The following WDR36 variants were observed in gnomAD, a reference collection of about 807,000 sequenced individuals.
The protein encoded by WDR36 is WD repeat-containing protein 36.
Under a neutral mutation model 112.7 loss-of-function variants are expected in WDR36, and 63 were observed. The ratio of observed to expected loss-of-function variants is 0.56; its 90% confidence interval spans 0.46 to 0.69. WDR36 has a LOEUF of 0.69. Ranked by LOEUF, WDR36 falls within the 30% of genes least tolerant of loss-of-function variation. The probability of loss-of-function intolerance (pLI) is 0.00; values close to 1 mark genes in which losing one functional copy is unlikely to be tolerated. For synonymous variants in WDR36, 410 were observed against 362.2 expected (o/e 1.13, Z -1.50); for missense variants, 1,226 against 1,070.3 (o/e 1.15, Z -2.03).
At chr5:111,111,327 T>C in intron 15 of WDR36, 49 bp downstream of exon 15, 1 of 1,467,378 alleles carries the variant, frequency 6.8e-7, no homozygotes, top group Admixed American at 1.7e-5. Context: ...TACTTTTGTT[T>C]GGGTGTGTTA....
intron 1 of WDR36, among the ~76,000 whole-genome samples, chr5:111,094,277 C>T (rs1222383674): frequency 6.6e-6 from 1 of 152,168 alleles, no homozygotes; most frequent in Non-Finnish European, 1.5e-5. Context: ...TCATTGAATC[C>T]TCATAACAAT....
At position 111,115,965 on chromosome 5, in the gene WDR36, C is replaced by T. The variant is rs909349161; in HGVS notation, c.1796+2812C>T. 6.6e-5 allele frequency among the ~76,000 whole-genome samples: 10 copies of T among 151,554 alleles called. 1 individual carries two copies. Among genetic ancestry groups the T allele is most frequent in the African/African-American group, 1.5e-4 (6 of 41,206 alleles). ...TCTTTCTTATTTTTTTTTTCTGAGA[C>T]CAAGTCTTGCTCTGTCGCCCAGGCT... On this transcript the variant is annotated intron_variant, in intron 16 of 22. Transcript: ENST00000513710.
intron 16 of WDR36, among the ~76,000 whole-genome samples, chr5:111,116,321 C>T (rs760773183): frequency 1.6e-4 from 25 of 152,012 alleles, no homozygotes; most frequent in Non-Finnish European, 3.2e-4. Context: ...TTTGTTCTGT[C>T]TCACCCCACC....
intron 3 of WDR36, among the ~76,000 whole-genome samples, chr5:111,098,187 A>T (rs566892341): frequency 7.9e-4 from 121 of 152,296 alleles, no homozygotes; most frequent in African/African-American, 2.4e-3. Flanking sequence ...GAGAGGAAAC[A>T]GTGTTACTGG....
chr5:111,110,768 T>C lies in WDR36; in HGVS notation c.1442-20T>C. 6.2e-7 allele frequency: 1 copy of C among 1,605,274 alleles called. No homozygotes were observed. The highest frequency in any genetic ancestry group is 8.5e-7 in the Non-Finnish European group (1 of 1,174,282). On this transcript the variant is annotated intron_variant, in intron 13 of 22. Coordinates refer to ENST00000513710, the MANE Select transcript of WDR36 (RefSeq NM_139281.3). ...ACTGCCAATTCTGATTTTTTTTTTC[T>C]TTTGACATCTACCTTACAGCTCACA...
Position 111,103,811 on chromosome 5 carries a change from T to C in WDR36, c.623T>C (p.Ile208Thr), listed in dbSNP as rs543041843. ...QQAPAVDVVA[I>T]GLMSGQVIIH... Reference sequence around the variant, plus strand: ...GCACCAGCCGTGGATGTTGTTGCTATTGGTCTTATGTCAGGTCAAGTTATC... The same window carrying C: ...GCACCAGCCGTGGATGTTGTTGCTACTGGTCTTATGTCAGGTCAAGTTATC... Residue 208 changes from isoleucine to threonine, a missense_variant, in exon 7 of 23, where the codon ATT (isoleucine) becomes ACT (threonine). Transcript: ENST00000513710. 6 of 1,611,262 alleles carry C rather than the reference T, an allele frequency of 3.7e-6. No homozygotes were observed. In the South Asian group the frequency reaches 4.4e-5, roughly 12 times the overall value.
intron 2 of WDR36, chr5:111,095,172 G>A: frequency 3.9e-6 from 2 of 519,224 alleles, no homozygotes; most frequent in South Asian, 2.3e-5. Context: ...GACTTTCTTT[G>A]TGCTTCATGA....
rs1561705833 is a variant in WDR36, at chr5:111,110,173, G to T, written c.1327-16G>T. The T allele has an allele frequency of 3.8e-6, 6 of 1,573,946 alleles. No homozygotes were observed. Among genetic ancestry groups the T allele is most frequent in the South Asian group, 3.3e-5 (3 of 90,190 alleles). ...ATGTTAGTTATTTTGTCATTTGTGG[G>T]TTTTTTTTCTTAAAGGCAGTGGATA... On this transcript the variant is annotated splice_polypyrimidine_tract_variant and intron_variant, in intron 12 of 22. Coordinates refer to ENST00000513710, the MANE Select transcript of WDR36 (RefSeq NM_139281.3).
intron 21 of WDR36, among the ~76,000 whole-genome samples, 181 bp from the exon 22 acceptor site, chr5:111,125,427 G>A (rs1199393296): frequency 2.6e-5 from 4 of 152,152 alleles, no homozygotes; most frequent in South Asian, 4.1e-4. Flanking sequence ...TGGTGTCATC[G>A]TTTGTACTGA....
intron 11 of WDR36, among the ~76,000 whole-genome samples, chr5:111,107,028 G>A (rs900215076): frequency 6.6e-6 from 1 of 151,186 alleles, no homozygotes; most frequent in Non-Finnish European, 1.5e-5. Context: ...TCTCTTGTTA[G>A]GTATGTTAAT....
intron 21 of WDR36, among the ~76,000 whole-genome samples, chr5:111,124,658 T>G (rs1437282644): frequency 2.0e-5 from 3 of 152,220 alleles, no homozygotes; most frequent in African/African-American, 7.2e-5. Flanking sequence ...TTCATATATT[T>G]AAATTTCGAA....
intron 17 of WDR36, 103 bp downstream of exon 17, chr5:111,119,223 A>T: frequency 1.1e-6 from 1 of 909,238 alleles, no homozygotes; most frequent in Non-Finnish European, 1.8e-6. Context: ...AGTGTATTAA[A>T]TGGAAATGTC....
chr5:111,128,096 T>C lies in WDR36; in HGVS notation c.*1213T>C, dbSNP rs1298608601. 1.6e-5 allele frequency: 3 copies of C among 193,422 alleles called. No individual in the cohort carries two copies. Among genetic ancestry groups the C allele is most frequent in the African/African-American group, 4.6e-5 (2 of 43,158 alleles). 12.0% of individuals were successfully genotyped at this position (193,422 alleles called of 1,614,324 possible). A position where few individuals can be genotyped will look rare whatever the true frequency, so the allele number is the denominator to read the frequency against. ...TTTTTATGGTTCAAGACTTTTGCAA[T>C]ACATGAATTAAAAATAAGCAGTTCT... is the stretch of plus-strand genomic sequence containing the variant. On this transcript the variant is annotated 3_prime_UTR_variant, in exon 23 of 23. Transcript: ENST00000513710.
In WDR36 at chr5:111,107,382, A is replaced by C; in HGVS notation, c.1269A>C (p.Thr423=). 1 of 1,610,634 alleles carries C rather than the reference A, an allele frequency of 6.2e-7. No homozygotes were observed. The highest frequency in any genetic ancestry group is 8.5e-7 in the Non-Finnish European group (1 of 1,177,758). ...CAACCTGGAATTATCAGAAATCTAC[A>C]ATAGGCGCTTACTTTCTCAAGCCAA... ...SCSTWNYQKS[T]IGAYFLKPKE... The change falls in exon 12 of 23, where the codon ACA becomes ACC. Residue 423 remains threonine (T), a synonymous_variant. Transcript: ENST00000513710.
chr5:111,100,006 T>A (rs1435187794), intron 4 of WDR36, among the ~76,000 whole-genome samples: 8 of 151,984 alleles, frequency 5.3e-5, no homozygotes, highest in African/African-American at 1.9e-4. Context: ...AATTTTTTTA[T>A]CTTGGAGCAA....
chr5:111,118,863 G>T (rs973875025), intron 16 of WDR36, 150 bp from the exon 17 acceptor site: 18 of 634,442 alleles, frequency 2.8e-5, no homozygotes, highest in Non-Finnish European at 4.5e-5. Flanking sequence ...CTGTTTATTA[G>T]TGGTGACTTT....
In WDR36 at chr5:111,098,771, C is replaced by G; in HGVS notation, c.341C>G (p.Pro114Arg). The change falls in exon 4 of 23, where the codon CCC (proline) becomes CGC (arginine). Residue 114 changes from proline (P) to arginine (R), a missense_variant. By Grantham distance (103) the Pro-to-Arg change is moderately radical. Coordinates refer to ENST00000513710, the MANE Select transcript of WDR36 (RefSeq NM_139281.3). ...GHKAEIHFLQPFGDHIISVDT... is the reference protein window; with the variant it reads ...GHKAEIHFLQRFGDHIISVDT... ...AAGGCAGAAATCCATTTCTTGCAACCCTTTGGAGACCACATTATCTCTGTT... is the reference window on the plus strand; with the variant it reads ...AAGGCAGAAATCCATTTCTTGCAACGCTTTGGAGACCACATTATCTCTGTT... 6 of 1,612,774 alleles carry G rather than the reference C, an allele frequency of 3.7e-6. No homozygotes were observed. The highest frequency in any genetic ancestry group is 5.1e-6 in the Non-Finnish European group (6 of 1,179,152).
At chr5:111,106,742 C>T (rs1429776689) in intron 11 of WDR36, among the ~76,000 whole-genome samples, 1 of 151,336 alleles carries the variant, frequency 6.6e-6, no homozygotes, top group African/African-American at 2.4e-5. Flanking sequence ...GGCTTCTTAA[C>T]ACCTTTAGAG....
intron 17 of WDR36, 128 bp from the exon 18 acceptor site, chr5:111,120,368 A>T: frequency 2.7e-6 from 2 of 746,654 alleles, no homozygotes; most frequent in Non-Finnish European, 4.5e-6. Flanking sequence ...TTTTAAATTG[A>T]TAACAATCTA....
Sources: allele counts gnomAD v4.1 joint callset (sites outside exome capture counted in the v4.1 genomes callset), GRCh38; gene constraint gnomAD v4.1.1; transcripts MANE v1.5; gene names NCBI Gene and HGNC (gene_info 2026-07-23, HGNC 2026-07-21).